The following ZNF423 variants were observed in gnomAD, a reference collection of about 807,000 sequenced individuals.
ZNF423 encodes Ebf-associated zinc finger protein.
In ZNF423, 12 loss-of-function variants were observed where a neutral mutation model predicts 95.8. That is an observed-to-expected ratio of 0.13 (90% CI 0.08 to 0.20). The LOEUF (loss-of-function observed/expected upper bound fraction) is 0.20, where lower values mean the gene tolerates loss of function less well. ZNF423 is among the 10% of genes least tolerant of loss of function. The pLI is 1.00. For synonymous variants in ZNF423, 749 were observed against 711.9 expected (o/e 1.05, Z -0.83); for missense variants, 1,316 against 1,737.1 (o/e 0.76, Z 4.31).
chr16:49,847,201 G>A (rs777482327), intron 1 of ZNF423: 1 of 152,244 alleles, frequency 6.6e-6, no homozygotes, highest in Non-Finnish European at 1.5e-5. Flanking sequence ...AGGCAGTGAA[G>A]AGTTTGCAAA....
chr16:49,521,922 G>A (rs1297806087), intron 7 of ZNF423, among the ~76,000 whole-genome samples: 3 of 152,228 alleles, frequency 2.0e-5, no homozygotes, highest in African/African-American at 7.2e-5. Flanking sequence ...ACCACCAGCT[G>A]TGCAGACAGG....
chr16:49,717,811 C>A (rs1409074190), intron 3 of ZNF423, among the ~76,000 whole-genome samples: 1 of 152,236 alleles, frequency 6.6e-6, no homozygotes, highest in South Asian at 2.1e-4. Context: ...TCCAGCAACA[C>A]ACAGAACAGA....
At chr16:49,846,441 A>G (rs867928078) in intron 1 of ZNF423, among the ~76,000 whole-genome samples, 8 of 152,346 alleles carry the variant, frequency 5.3e-5, no homozygotes, top group Middle Eastern at 6.8e-3. Context: ...GTGAGCTCCA[A>G]GGTTCCTTTT....
intron 3 of ZNF423, among the ~76,000 whole-genome samples, chr16:49,662,107 C>T (rs555457096): frequency 1.3e-5 from 2 of 152,326 alleles, no homozygotes; most frequent in South Asian, 4.1e-4. Flanking sequence ...GAACTCCACC[C>T]CCACTCCCAG....
At chr16:49,697,348 T>A (rs1399383735) in intron 3 of ZNF423, among the ~76,000 whole-genome samples, 1 of 152,112 alleles carries the variant, frequency 6.6e-6, no homozygotes, top group African/African-American at 2.4e-5. Flanking sequence ...AAGCACATGA[T>A]GTTTTTTAAA....
chr16:49,751,201 T>A (rs1438063518), intron 2 of ZNF423, among the ~76,000 whole-genome samples: 5 of 152,196 alleles, frequency 3.3e-5, no homozygotes, highest in African/African-American at 1.2e-4. Context: ...TTAAAATAAC[T>A]CAGCTTGGTC....
At chr16:49,768,064 A>C (rs1464118547) in intron 2 of ZNF423, among the ~76,000 whole-genome samples, 3 of 152,166 alleles carry the variant, frequency 2.0e-5, no homozygotes, top group Admixed American at 6.5e-5. Flanking sequence ...ACATCCCTCT[A>C]ATCCTGTACG....
rs557828360 is a variant in ZNF423, at chr16:49,745,795, G to A, written c.101-14824C>T. On this transcript the variant is annotated intron_variant, in intron 2 of 7. Coordinates refer to ENST00000563137, the MANE Select transcript of ZNF423 (RefSeq NM_001379286.1). ...GAGATGCCTTGCCGCTGACCCCCTC[G>A]TGTTAAGAAGAGCCCAGAATATTAT... Among the ~76,000 whole-genome samples the A allele has an allele frequency of 7.9e-5, 12 of 152,210 alleles. No homozygotes were observed. The South Asian group carries it at 1.9e-3, about 24-fold the overall frequency.
At chr16:49,650,239 G>A (rs1170533265) in intron 3 of ZNF423, among the ~76,000 whole-genome samples, 1 of 152,166 alleles carries the variant, frequency 6.6e-6, no homozygotes, top group Non-Finnish European at 1.5e-5. Flanking sequence ...GCAGGGAGAC[G>A]TCAGCCCTGA....
chr16:49,574,102 G>C (rs1299661289), intron 5 of ZNF423, among the ~76,000 whole-genome samples: 1 of 152,208 alleles, frequency 6.6e-6, no homozygotes, highest in East Asian at 1.9e-4. Context: ...AAAGATTACA[G>C]GCTGGGTGCA....
intron 5 of ZNF423, among the ~76,000 whole-genome samples, chr16:49,605,929 C>T (rs566634128): frequency 6.6e-6 from 1 of 152,308 alleles, no homozygotes; most frequent in African/African-American, 2.4e-5. Flanking sequence ...CCAACCTCTA[C>T]CTGGTGATGG....
intron 2 of ZNF423, chr16:49,731,235 C>T (rs750732740): frequency 3.8e-6 from 3 of 796,510 alleles, no homozygotes; most frequent in Non-Finnish European, 4.6e-6. Flanking sequence ...TGCTGGGGGC[C>T]GTGACCCATC....
intron 3 of ZNF423, among the ~76,000 whole-genome samples, chr16:49,665,028 AG>A (rs1348827715): frequency 1.3e-5 from 2 of 152,024 alleles, no homozygotes; most frequent in African/African-American, 2.4e-5. Flanking sequence ...AGCCTTGGTC[AG>A]GTTATCAGCT....
At chr16:49,811,743 GC>G (rs543021981) in intron 1 of ZNF423, among the ~76,000 whole-genome samples, 2 of 152,052 alleles carry the variant, frequency 1.3e-5, no homozygotes, top group East Asian at 3.9e-4. Context: ...ACTACAGCTG[GC>G]CTCCTACCCC....
chr16:49,661,959 T>A (rs982817485), intron 3 of ZNF423, among the ~76,000 whole-genome samples: 4 of 152,174 alleles, frequency 2.6e-5, no homozygotes, highest in African/African-American at 9.7e-5. Flanking sequence ...TACCGCAGGT[T>A]AAGCACACTG....
At chr16:49,617,353 C>G (rs1971912419) in intron 5 of ZNF423, among the ~76,000 whole-genome samples, 1 of 152,220 alleles carries the variant, frequency 6.6e-6, no homozygotes, top group Non-Finnish European at 1.5e-5. Flanking sequence ...GCTGTTATTC[C>G]AGTAAGGCTC....
intron 1 of ZNF423, among the ~76,000 whole-genome samples, chr16:49,849,545 T>C (rs955449608): frequency 1.3e-5 from 2 of 152,176 alleles, no homozygotes; most frequent in African/African-American, 4.8e-5. Context: ...GAAATGTGAA[T>C]GAGTTGAAGA....
At chr16:49,836,277 C>T (rs1464142648) in intron 1 of ZNF423, among the ~76,000 whole-genome samples, 2 of 152,150 alleles carry the variant, frequency 1.3e-5, no homozygotes, top group African/African-American at 2.4e-5. Flanking sequence ...TCAAATGTCC[C>T]AGGACTTGGC....
intron 1 of ZNF423, among the ~76,000 whole-genome samples, chr16:49,852,279 TTAA>T (rs1169065820): frequency 6.6e-6 from 1 of 152,148 alleles, no homozygotes; most frequent in Non-Finnish European, 1.5e-5. Context: ...TGAGCGCTAA[TTAA>T]TATTAAGAAC....
Sources: gnomAD v4.1 joint callset for allele counts (sites outside exome capture counted in the v4.1 genomes callset) on GRCh38, gnomAD v4.1.1 for gene constraint, MANE v1.5 for transcripts, NCBI Gene and HGNC (gene_info 2026-07-23, HGNC 2026-07-21) for gene names.